ATXN10: variants seen among roughly 807,000 people sequenced by gnomAD.
ATXN10 encodes ataxin-10.
In ATXN10, 28 loss-of-function variants were observed where a neutral mutation model predicts 52.9. The ratio of observed to expected loss-of-function variants is 0.53; its 90% confidence interval spans 0.39 to 0.73. The LOEUF (loss-of-function observed/expected upper bound fraction) is 0.73. Ranked by LOEUF, ATXN10 falls within the 30% of genes least tolerant of loss-of-function variation. The pLI is 0.00. For missense variants in ATXN10, 565 were observed against 577.0 expected, an observed-to-expected ratio of 0.98 and a Z score of 0.21; for synonymous variants, 226 against 221.5, an observed-to-expected ratio of 1.02 and a Z score of -0.18.
chr22:45,813,518 A>T (rs1928358766), intron 10 of ATXN10, among the ~76,000 whole-genome samples: 1 of 151,362 alleles, frequency 6.6e-6, no homozygotes, highest in Non-Finnish European at 1.5e-5. Context: ...CTGTACAGAA[A>T]TGTAAGAGTT....
chr22:45,729,663 TGA>T (rs1167409481), intron 7 of ATXN10, 73 bp downstream of exon 7: 1 of 1,508,504 alleles, frequency 6.6e-7, no homozygotes, highest in Non-Finnish European at 9.2e-7. Context: ...AAGTCCTGTA[TGA>T]GAATTCTTTT....
chr22:45,753,427 A>T (rs1426184836), intron 9 of ATXN10, among the ~76,000 whole-genome samples: 9 of 78,410 alleles, frequency 1.1e-4, no homozygotes, highest in East Asian at 8.7e-4. Flanking sequence ...TTTTTTTTTG[A>T]GACAGAGTCT....
At chr22:45,721,503 T>C (rs532710562) in intron 6 of ATXN10, among the ~76,000 whole-genome samples, 1 of 152,358 alleles carries the variant, frequency 6.6e-6, no homozygotes, top group Admixed American at 6.5e-5. Context: ...GATAATTGAC[T>C]TTGGCATCAG....
intron 1 of ATXN10, among the ~76,000 whole-genome samples, chr22:45,686,381 G>C (rs1923135825): frequency 1.3e-5 from 2 of 152,184 alleles, no homozygotes. Context: ...TAACAGTCTA[G>C]CCGGGGAGAT....
chr22:45,749,565 T>TTTTTTC (rs1243174223), intron 9 of ATXN10, among the ~76,000 whole-genome samples: 1 of 152,134 alleles, frequency 6.6e-6, no homozygotes, highest in African/African-American at 2.4e-5. Context: ...TTCCCTTTCT[T>TTTTTTC]TTTTTCTTTT....
chr22:45,764,514 G>A (rs149061769), intron 9 of ATXN10, among the ~76,000 whole-genome samples: 1 of 152,100 alleles, frequency 6.6e-6, no homozygotes, highest in Admixed American at 6.5e-5. Context: ...AATCCAACTC[G>A]CTCTTCATGA....
In ATXN10 at chr22:45,759,638, A is replaced by G. The variant is rs5765608; in HGVS notation, c.1173+19100A>G. On this transcript the variant is annotated intron_variant, in intron 9 of 11. Coordinates refer to ENST00000252934, the MANE Select transcript of ATXN10 (RefSeq NM_013236.4). The surrounding 1 kb of genome is among the most constrained non-coding windows in gnomAD (Gnocchi z 5.4). The stretch of plus-strand genomic sequence containing the variant: ...GCTGCACGAGGATGAGCAAGGTTTC[A>G]TAATGTCCTCCAGAGGCCAGTTTAC... 1.3e-5 allele frequency among the ~76,000 whole-genome samples: 2 copies of G among 152,302 alleles called. No individual in the cohort carries two copies. The highest frequency in any genetic ancestry group is 3.9e-4 in the East Asian group (2 of 5,178).
Position 45,709,932 on chromosome 22 carries a change from T to C in ATXN10, c.647+7085T>C, listed in dbSNP as rs1025413969. 1.7e-4 allele frequency among the ~76,000 whole-genome samples: 26 copies of C among 152,192 alleles called. No homozygotes were observed. In the South Asian group the frequency reaches 1.9e-3, roughly 11 times the overall value. On this transcript the variant is annotated intron_variant, in intron 5 of 11. Coordinates refer to ENST00000252934, the MANE Select transcript of ATXN10 (RefSeq NM_013236.4). ...ATTTTCTTTCACTCTCACCCACTTA[T>C]ACTCATTAGCCCTATCTTCAAAAGG...
At chr22:45,788,510 A>G (rs1043728230) in intron 9 of ATXN10, among the ~76,000 whole-genome samples, 3 of 151,282 alleles carry the variant, frequency 2.0e-5, no homozygotes, top group Non-Finnish European at 4.4e-5. Flanking sequence ...GGCCTGCATC[A>G]CCTTTCATTC....
chr22:45,783,748 A>G lies in ATXN10; in HGVS notation c.1174-23211A>G, dbSNP rs1424986767. Among the ~76,000 whole-genome samples the G allele has an allele frequency of 1.3e-5, 2 of 152,238 alleles. No individual in the cohort carries two copies. The highest frequency in any genetic ancestry group is 4.8e-5 in the African/African-American group (2 of 41,464). On this transcript the variant is annotated intron_variant, in intron 9 of 11. Coordinates refer to ENST00000252934, the MANE Select transcript of ATXN10 (RefSeq NM_013236.4). This position sits in a 1 kb window ranked among gnomAD's most constrained non-coding sequence, Gnocchi z 5.0. ...TAGCTTTCTTTTAAATGTTTATCAA[A>G]TAAATAAATAGAAGATTAAAAGAGG... is the stretch of plus-strand genomic sequence containing the variant.
At chr22:45,694,432 G>A (rs933513853) in intron 3 of ATXN10, among the ~76,000 whole-genome samples, 2 of 152,014 alleles carry the variant, frequency 1.3e-5, no homozygotes, top group Non-Finnish European at 2.9e-5. Context: ...TGGACAGATT[G>A]CTTGAGCTCA....
chr22:45,713,507 G>A (rs1056736194), intron 5 of ATXN10, among the ~76,000 whole-genome samples: 4 of 152,098 alleles, frequency 2.6e-5, no homozygotes, highest in South Asian at 2.1e-4. Context: ...CTATATGACC[G>A]TTCCTCGTCC....
chr22:45,742,062 C>T (rs989709231), intron 9 of ATXN10, among the ~76,000 whole-genome samples: 16 of 152,086 alleles, frequency 1.1e-4, no homozygotes, highest in Admixed American at 6.5e-4. Context: ...CTGAATCACA[C>T]GTGTGGGGCA....
chr22:45,756,087 CAG>C (rs1926164273), intron 9 of ATXN10, among the ~76,000 whole-genome samples: 1 of 152,160 alleles, frequency 6.6e-6, no homozygotes, highest in Non-Finnish European at 1.5e-5. Flanking sequence ...TGCCATTAGC[CAG>C]AGTTTTCCAT....
chr22:45,767,140 T>C (rs889146907), intron 9 of ATXN10, among the ~76,000 whole-genome samples: 4 of 152,200 alleles, frequency 2.6e-5, no homozygotes, highest in African/African-American at 9.7e-5. Flanking sequence ...AGAAACTAGT[T>C]CAAGACCATT....
At chr22:45,806,869 G>GTTATA in intron 9 of ATXN10, 90 bp from the exon 10 acceptor site, 1 of 996,126 alleles carries the variant, frequency 1.0e-6, no homozygotes, top group Admixed American at 1.7e-5. Flanking sequence ...ATAACATTGA[G>GTTATA]TAAGAAAACA....
chr22:45,697,194 G>A (rs1039044976), intron 3 of ATXN10, among the ~76,000 whole-genome samples: 3 of 152,036 alleles, frequency 2.0e-5, no homozygotes, highest in Non-Finnish European at 4.4e-5. Flanking sequence ...GAGTGCAGTG[G>A]CACAATCTCG....
chr22:45,672,469 C>G, intron 1 of ATXN10: 1 of 177,566 alleles, frequency 5.6e-6, no homozygotes, highest in Non-Finnish European at 1.2e-5. Flanking sequence ...GATGTTGACC[C>G]AACACACGGT....
chr22:45,689,445 T>C (rs890778533), intron 1 of ATXN10: 1 of 487,632 alleles, frequency 2.1e-6, no homozygotes, highest in African/African-American at 1.9e-5. Flanking sequence ...TTCACTTACC[T>C]TATCTGTAAA....
Sources: allele counts gnomAD v4.1 joint callset (sites outside exome capture counted in the v4.1 genomes callset), GRCh38; gene constraint gnomAD v4.1.1; non-coding constraint Gnocchi (gnomAD v3.1); transcripts MANE v1.5; gene names NCBI Gene and HGNC (gene_info 2026-07-23, HGNC 2026-07-21).